The following ADAMTS19 variants were observed in gnomAD, a reference collection of about 807,000 sequenced individuals.
ADAMTS19 encodes the protein A disintegrin and metalloproteinase with thrombospondin motifs 19.
Under a neutral mutation model 153.3 loss-of-function variants are expected in ADAMTS19, and 93 were observed. The ratio of observed to expected loss-of-function variants is 0.61; its 90% CI spans 0.51 to 0.72. The LOEUF is 0.72. Among genes scored for constraint, ADAMTS19 ranks in the 30% least tolerant of loss-of-function variants. The pLI is 0.00. For missense variants in ADAMTS19, 1,482 were observed against 1,552.1 expected, an observed-to-expected ratio of 0.95 and a Z score of 0.76; for synonymous variants, 600 against 556.6, an observed-to-expected ratio of 1.08 and a Z score of -1.10.
chr5:129,621,902 C>A (rs1205631781), intron 9 of ADAMTS19, among the ~76,000 whole-genome samples: 1 of 152,076 alleles, frequency 6.6e-6, no homozygotes, highest in African/African-American at 2.4e-5. Flanking sequence ...GCCTGTATAC[C>A]TATTAAATGC....
rs1749686329 is a variant in ADAMTS19, at chr5:129,461,926, C to T, written c.747+169C>T. Among the ~76,000 whole-genome samples, 1 of 152,230 alleles carries T rather than the reference C, an allele frequency of 6.6e-6. No individual in the cohort carries two copies. Among genetic ancestry groups the T allele is most frequent in the African/African-American group, 2.4e-5 (1 of 41,460 alleles). ...ATCGTTTGCCTCCCATGGAACATCT[C>T]CAGGGCAGTTGTGTAAATCGGAAGT... On this transcript the variant is annotated intron_variant, in intron 2 of 22. Coordinates refer to ENST00000274487, the MANE Select transcript of ADAMTS19 (RefSeq NM_133638.6). The surrounding 1 kb of genome is among the most constrained non-coding windows in gnomAD (Gnocchi z 4.6).
chr5:129,713,743 GA>G (rs1464278764), intron 21 of ADAMTS19, among the ~76,000 whole-genome samples: 8 of 148,924 alleles, frequency 5.4e-5, no homozygotes, highest in Non-Finnish European at 1.2e-4. Flanking sequence ...CCTGGGAATA[GA>G]GCAAGACTCT....
chr5:129,597,055 A>C (rs1048342884), intron 8 of ADAMTS19, among the ~76,000 whole-genome samples: 5 of 152,212 alleles, frequency 3.3e-5, no homozygotes, highest in African/African-American at 1.2e-4. Flanking sequence ...ATTACCAGGC[A>C]TAAGTGAAGG....
At chr5:129,563,930 T>C (rs1258047933) in intron 7 of ADAMTS19, among the ~76,000 whole-genome samples, 1 of 152,098 alleles carries the variant, frequency 6.6e-6, no homozygotes, top group Non-Finnish European at 1.5e-5. Context: ...GTGAAACTTT[T>C]TTTTTTTGAC....
chr5:129,471,474 G>GGAAGGAAA (rs1750065764), intron 2 of ADAMTS19, among the ~76,000 whole-genome samples: 2 of 148,180 alleles, frequency 1.3e-5, no homozygotes, highest in African/African-American at 5.0e-5. Flanking sequence ...AAGGAAGGAA[G>GGAAGGAAA]GAAGGAAGGA....
At chr5:129,638,057 A>T (rs952593600) in intron 10 of ADAMTS19, among the ~76,000 whole-genome samples, 2 of 151,968 alleles carry the variant, frequency 1.3e-5, no homozygotes, top group Admixed American at 6.6e-5. Flanking sequence ...CTGTTCAGTA[A>T]CCCCCTAGGA....
intron 10 of ADAMTS19, among the ~76,000 whole-genome samples, chr5:129,625,531 A>G (rs1216102882): frequency 6.6e-6 from 1 of 152,114 alleles, no homozygotes; most frequent in African/African-American, 2.4e-5. Flanking sequence ...TTGCCATTCT[A>G]ACTGGTGTGA....
intron 21 of ADAMTS19, among the ~76,000 whole-genome samples, chr5:129,727,538 A>G (rs1343151709): frequency 6.6e-6 from 1 of 152,218 alleles, no homozygotes; most frequent in African/African-American, 2.4e-5. Flanking sequence ...AAATATTAGC[A>G]ACTTTCAAGT....
At chr5:129,472,370 C>T (rs1213602257) in intron 2 of ADAMTS19, among the ~76,000 whole-genome samples, 1 of 152,140 alleles carries the variant, frequency 6.6e-6, no homozygotes, top group Non-Finnish European at 1.5e-5. Flanking sequence ...AACTTCATAC[C>T]CTAAGGATCT....
chr5:129,719,996 C>A (rs138666264), intron 21 of ADAMTS19, among the ~76,000 whole-genome samples: 2 of 151,864 alleles, frequency 1.3e-5, no homozygotes, highest in African/African-American at 4.8e-5. Flanking sequence ...GCCCAGATTG[C>A]GCCACTCCTC....
intron 21 of ADAMTS19, among the ~76,000 whole-genome samples, chr5:129,724,935 G>GATAT (rs1757144072): frequency 1.3e-5 from 2 of 152,082 alleles, no homozygotes; most frequent in Non-Finnish European, 2.9e-5. Flanking sequence ...AAAGGGAGAA[G>GATAT]GACCCTCAAT....
At chr5:129,577,495 T>C (rs1295642183) in intron 7 of ADAMTS19, among the ~76,000 whole-genome samples, 4 of 152,114 alleles carry the variant, frequency 2.6e-5, no homozygotes, top group Non-Finnish European at 5.9e-5. Context: ...AAATTTATAA[T>C]TTTAAACAGA....
chr5:129,536,522 GAAC>G (rs1752434716), intron 6 of ADAMTS19, among the ~76,000 whole-genome samples: 1 of 152,122 alleles, frequency 6.6e-6, no homozygotes, highest in Non-Finnish European at 1.5e-5. Context: ...CAGGGATCTA[GAAC>G]TAGAAATAAC....
chr5:129,628,142 T>G (rs967593658), intron 10 of ADAMTS19, among the ~76,000 whole-genome samples: 2 of 152,090 alleles, frequency 1.3e-5, no homozygotes, highest in Non-Finnish European at 2.9e-5. Context: ...TGAGACCGTG[T>G]CTTTTGCAGG....
At chr5:129,615,280 CAA>C (rs1751458557) in intron 8 of ADAMTS19, among the ~76,000 whole-genome samples, 1 of 151,940 alleles carries the variant, frequency 6.6e-6, no homozygotes, top group South Asian at 2.1e-4. Context: ...AGGAACTATA[CAA>C]AAGGTTAGGC....
In ADAMTS19 at chr5:129,648,907, G is replaced by C; in HGVS notation, c.2113G>C (p.Ala705Pro). 6.2e-7 allele frequency: 1 copy of C among 1,613,670 alleles called. No homozygotes were observed. The highest frequency in any genetic ancestry group is 8.5e-7 in the Non-Finnish European group (1 of 1,179,732). ...TGGATTCAGAGACTGGCAATGTCAGGCTTATAGTGTTAGAACTTCCTCCCC... is the reference window on the plus strand; with the variant it reads ...TGGATTCAGAGACTGGCAATGTCAGCCTTATAGTGTTAGAACTTCCTCCCC... Reference protein sequence around the residue: ...LPGFRDWQCQAYSVRTSSPKH... With the variant: ...LPGFRDWQCQPYSVRTSSPKH... Residue 705 changes from alanine (A) to proline (P), a missense_variant, in exon 13 of 23, where the codon GCT (alanine) becomes CCT (proline). This residue lies in a region of ADAMTS19 where 616 missense variants were observed against 724.4 expected (regional missense o/e 0.85). Transcript: ENST00000274487.
intron 16 of ADAMTS19, among the ~76,000 whole-genome samples, chr5:129,668,318 A>C (rs543865455): frequency 2.6e-4 from 39 of 152,324 alleles, no homozygotes; most frequent in African/African-American, 9.1e-4. Flanking sequence ...TGTGCCACAG[A>C]AGGTAATTAT....
At chr5:129,516,888 CT>C (rs200576506) in intron 3 of ADAMTS19, among the ~76,000 whole-genome samples, 599 of 105,634 alleles carry the variant, frequency 5.7e-3, no homozygotes, top group Middle Eastern at 0.016. Context: ...GAGATTTTTC[CT>C]TTTTTTTTTT....
At chr5:129,634,719 C>A (rs1303287054) in intron 10 of ADAMTS19, among the ~76,000 whole-genome samples, 1 of 151,964 alleles carries the variant, frequency 6.6e-6, no homozygotes, top group East Asian at 1.9e-4. Flanking sequence ...AACTGGGCCC[C>A]TTTTTAGGCC....
Sources: gnomAD v4.1 joint callset for allele counts (sites outside exome capture counted in the v4.1 genomes callset) on GRCh38, gnomAD v4.1.1 for gene constraint, gnomAD v4.1.1 regional missense constraint, Gnocchi (gnomAD v3.1) non-coding constraint, MANE v1.5 for transcripts, NCBI Gene and HGNC (gene_info 2026-07-23, HGNC 2026-07-21) for gene names.